The following COL21A1 variants were observed in gnomAD, a reference collection of about 807,000 sequenced individuals.
The protein encoded by COL21A1 is collagen type XXI alpha 1 chain, also known as collagen alpha-1(XXI) chain.
Under a neutral mutation model 137.9 loss-of-function variants are expected in COL21A1, and 149 were observed. The ratio of observed to expected loss-of-function variants is 1.08; its 90% confidence interval spans 0.95 to 1.24. The LOEUF is 1.24. Ranked by LOEUF, COL21A1 falls within the 50% of genes most tolerant of loss-of-function variation. The pLI is 0.00. For synonymous variants in COL21A1, 456 were observed against 391.5 expected (o/e 1.16, Z -1.95); for missense variants, 1,167 against 1,158.4 (o/e 1.01, Z -0.11).
At chr6:56,207,557 C>CA (rs1234655022) in intron 1 of COL21A1, among the ~76,000 whole-genome samples, 1 of 151,896 alleles carries the variant, frequency 6.6e-6, no homozygotes, top group African/African-American at 2.4e-5. Context: ...GCCTACCAAC[C>CA]AAAAAAGTCC....
At chr6:56,366,415 T>A (rs926405114) in intron 1 of COL21A1, among the ~76,000 whole-genome samples, 2 of 152,308 alleles carry the variant, frequency 1.3e-5, no homozygotes, top group East Asian at 3.9e-4. Flanking sequence ...TGGGATCATG[T>A]CAATTCTCAG....
intron 3 of COL21A1, among the ~76,000 whole-genome samples, chr6:56,177,104 A>AAGT (rs142719434): frequency 5.3e-5 from 8 of 151,574 alleles, no homozygotes; most frequent in Admixed American, 1.3e-4. Context: ...GTAGTAGTAG[A>AAGT]AGTAGTAGTA....
upstream of COL21A1, among the ~76,000 whole-genome samples, chr6:56,249,107 A>G (rs1782784412): frequency 6.6e-6 from 1 of 152,356 alleles, no homozygotes; most frequent in Admixed American, 6.5e-5. Flanking sequence ...CTAATGGCCA[A>G]TGAGAACATG....
At chr6:56,232,386 T>C (rs1384590308) in intron 1 of COL21A1, among the ~76,000 whole-genome samples, 1 of 151,968 alleles carries the variant, frequency 6.6e-6, no homozygotes, top group Admixed American at 6.6e-5. Flanking sequence ...ATTACAAACA[T>C]TGATACTGTC....
chr6:56,211,533 G>C (rs1463164004), intron 1 of COL21A1, among the ~76,000 whole-genome samples: 3 of 151,920 alleles, frequency 2.0e-5, no homozygotes, highest in Non-Finnish European at 4.4e-5. Flanking sequence ...AGCCGTGGCA[G>C]GCAGGAAAGT....
chr6:56,099,372 G>A (rs1361634301), intron 17 of COL21A1, among the ~76,000 whole-genome samples: 2 of 151,268 alleles, frequency 1.3e-5, no homozygotes, highest in African/African-American at 4.9e-5. Context: ...GAGTAGCTGG[G>A]ACTACAGGCG....
intron 10 of COL21A1, among the ~76,000 whole-genome samples, chr6:56,150,315 G>A (rs1178540962): frequency 6.6e-6 from 1 of 151,850 alleles, no homozygotes; most frequent in African/African-American, 2.4e-5. Flanking sequence ...CCAGGAAATC[G>A]AGACCATCCT....
chr6:56,329,797 C>T (rs142965258), intron 1 of COL21A1, among the ~76,000 whole-genome samples: 1,758 of 152,172 alleles, frequency 0.012, 15 homozygotes, highest in Non-Finnish European at 0.018. Context: ...ATAAAGGCTT[C>T]ATATATCAGC....
Position 56,384,124 on chromosome 6 carries a change from T to C in COL21A1, c.-39+9847A>G, listed in dbSNP as rs186984434. Among the ~76,000 whole-genome samples the C allele has an allele frequency of 3.3e-5, 5 of 152,224 alleles. No homozygotes were observed. In the East Asian group the frequency reaches 9.7e-4, roughly 29 times the overall value. On this transcript the variant is annotated intron_variant, in intron 1 of 28. Coordinates refer to the COL21A1 transcript ENST00000370819. ...CAAGAGGCTAGGCAGTGCATGGAAA[T>C]TGGGGGAAAGACACTTAATGATTGG...
At chr6:56,349,367 C>G (rs1317647345) in intron 1 of COL21A1, among the ~76,000 whole-genome samples, 2 of 151,148 alleles carry the variant, frequency 1.3e-5, no homozygotes, top group Non-Finnish European at 3.0e-5. Flanking sequence ...AAAATTTAAC[C>G]ACATAGACTG....
intron 1 of COL21A1, among the ~76,000 whole-genome samples, chr6:56,300,625 A>G (rs1424291801): frequency 1.3e-5 from 2 of 152,142 alleles, no homozygotes; most frequent in East Asian, 3.8e-4. Context: ...TTAACTGTCA[A>G]TCTACCATTA....
rs1163532864 is a variant in COL21A1, at chr6:56,267,278, G to A, written c.-38-84622C>T. On this transcript the variant is annotated intron_variant, in intron 1 of 28. Coordinates refer to the COL21A1 transcript ENST00000370819. ...TCATCAAACCTGCTTCCTCTTCCTA[G>A]TAACATTGCCTGAATTCTGGCCAAT... Among the ~76,000 whole-genome samples the A allele has an allele frequency of 2.0e-5, 3 of 152,228 alleles. No homozygotes were observed. In the East Asian group the frequency reaches 5.8e-4, roughly 29 times the overall value.
At chr6:56,213,904 A>C (rs1780331366) in intron 1 of COL21A1, among the ~76,000 whole-genome samples, 1 of 152,126 alleles carries the variant, frequency 6.6e-6, no homozygotes, top group South Asian at 2.1e-4. Context: ...TAGAAGTATG[A>C]ATTTAACATA....
intron 14 of COL21A1, among the ~76,000 whole-genome samples, chr6:56,124,627 G>T (rs4715579): frequency 0.57 from 85,206 of 149,192 alleles, 24,204 homozygotes; most frequent in East Asian, 0.8. Flanking sequence ...CAGTGGACAT[G>T]TTTTTTGTTT....
chr6:56,155,431 T>G (rs1342525075), intron 10 of COL21A1, among the ~76,000 whole-genome samples: 1 of 152,248 alleles, frequency 6.6e-6, no homozygotes, highest in Non-Finnish European at 1.5e-5. Context: ...GGTTAAGGTA[T>G]TGATGATTTC....
intron 1 of COL21A1, among the ~76,000 whole-genome samples, chr6:56,303,747 G>A (rs1463914242): frequency 6.6e-6 from 1 of 152,080 alleles, no homozygotes; most frequent in Non-Finnish European, 1.5e-5. Flanking sequence ...TGATTGCCCT[G>A]GCCAGAACTT....
chr6:56,305,961 C>G (rs1237265709), intron 1 of COL21A1, among the ~76,000 whole-genome samples: 1 of 148,990 alleles, frequency 6.7e-6, no homozygotes, highest in Non-Finnish European at 1.5e-5. Flanking sequence ...ATTTGCTTGT[C>G]TGTAAAGTAT....
chr6:56,307,532 A>G (rs567972698), intron 1 of COL21A1, among the ~76,000 whole-genome samples: 41 of 152,320 alleles, frequency 2.7e-4, no homozygotes, highest in Non-Finnish European at 5.9e-5. Context: ...CAGGCACGGG[A>G]TATAATCTCC....
chr6:56,323,583 T>C (rs749398822), intron 1 of COL21A1, among the ~76,000 whole-genome samples: 2 of 152,020 alleles, frequency 1.3e-5, no homozygotes, highest in Non-Finnish European at 2.9e-5. Context: ...AGAGACAGGG[T>C]TTCAGCATGT....
Sources: gnomAD v4.1 joint callset for allele counts (sites outside exome capture counted in the v4.1 genomes callset) on GRCh38, gnomAD v4.1.1 for gene constraint, MANE v1.5 for transcripts, NCBI Gene and HGNC (gene_info 2026-07-23, HGNC 2026-07-21) for gene names.